The following DMRT1 variants were observed in gnomAD, a reference collection of about 807,000 sequenced individuals.
DMRT1 encodes doublesex- and mab-3-related transcription factor 1.
In DMRT1, 7 loss-of-function variants were observed where a neutral mutation model predicts 32.3. That is an observed-to-expected ratio of 0.22 (90% CI 0.12 to 0.41). The LOEUF is 0.41. Among genes scored for constraint, DMRT1 ranks in the 10% least tolerant of loss-of-function variants. The pLI, the probability that DMRT1 is intolerant of heterozygous loss-of-function variation, is 1.00. For synonymous variants in DMRT1, 278 were observed against 206.1 expected (o/e 1.35, Z -2.99); for missense variants, 625 against 500.5 (o/e 1.25, Z -2.37).
chr9:862,078 C>G (rs1328471700), intron 2 of DMRT1, among the ~76,000 whole-genome samples: 3 of 147,794 alleles, frequency 2.0e-5, no homozygotes, highest in East Asian at 3.9e-4. Flanking sequence ...GGCAGAGACG[C>G]TCCTCACTTC....
At chr9:958,638 G>C (rs1819672673) in intron 4 of DMRT1, among the ~76,000 whole-genome samples, 1 of 152,092 alleles carries the variant, frequency 6.6e-6, no homozygotes, top group Admixed American at 6.6e-5. Context: ...ACTCTCCGGG[G>C]GTTACAGGCG....
Position 912,638 on chromosome 9 carries a change from C to G in DMRT1, c.823-4125C>G, listed in dbSNP as rs551852502. Among the ~76,000 whole-genome samples, 3 of 152,288 alleles carry G rather than the reference C, an allele frequency of 2.0e-5. No homozygotes were observed. In the South Asian group the frequency reaches 6.2e-4, roughly 32 times the overall value. On this transcript the variant is annotated intron_variant, in intron 3 of 4. Coordinates refer to ENST00000382276, the MANE Select transcript of DMRT1 (RefSeq NM_021951.3). ...ATCTTCATCTTTTTGTCAAATAATA[C>G]ATACATTGGGATTGGCAGCGTTAGC...
intron 3 of DMRT1, among the ~76,000 whole-genome samples, chr9:916,338 C>T (rs1191117124): frequency 2.0e-5 from 3 of 151,808 alleles, no homozygotes; most frequent in Non-Finnish European, 4.4e-5. Context: ...TGGCTGAGGC[C>T]ACTTCCAACT....
chr9:896,473 C>T (rs972386062), intron 3 of DMRT1, among the ~76,000 whole-genome samples: 1 of 151,802 alleles, frequency 6.6e-6, no homozygotes, highest in African/African-American at 2.4e-5. Context: ...TCCTCCACCT[C>T]GAGCTCCCGG....
chr9:854,585 G>A (rs890257410), intron 2 of DMRT1, among the ~76,000 whole-genome samples: 1 of 152,114 alleles, frequency 6.6e-6, no homozygotes, highest in African/African-American at 2.4e-5. Flanking sequence ...AAATTGGATT[G>A]AGACTTTATT....
chr9:913,489 G>A (rs1047032110), intron 3 of DMRT1, among the ~76,000 whole-genome samples: 1 of 151,924 alleles, frequency 6.6e-6, no homozygotes, highest in African/African-American at 2.4e-5. Context: ...TTAGTTCTGG[G>A]GAATTTTGTG....
intron 2 of DMRT1, among the ~76,000 whole-genome samples, chr9:868,679 A>G (rs1449073701): frequency 2.0e-5 from 3 of 152,212 alleles, no homozygotes; most frequent in African/African-American, 7.2e-5. Flanking sequence ...TTGTTTATGA[A>G]TTGCAGAGTA....
intron 4 of DMRT1, among the ~76,000 whole-genome samples, chr9:923,424 T>C (rs905797052): frequency 3.3e-5 from 5 of 152,028 alleles, no homozygotes; most frequent in African/African-American, 1.2e-4. Flanking sequence ...AGAGCCTCGA[T>C]TTCCTTACCT....
At chr9:849,185 G>C (rs1839035825) in intron 2 of DMRT1, among the ~76,000 whole-genome samples, 1 of 152,096 alleles carries the variant, frequency 6.6e-6, no homozygotes, top group South Asian at 2.1e-4. Flanking sequence ...GGCTGAGCTA[G>C]GATTTATTCC....
chr9:939,040 G>T (rs1015347186), intron 4 of DMRT1, among the ~76,000 whole-genome samples: 7 of 152,216 alleles, frequency 4.6e-5, no homozygotes, highest in African/African-American at 1.7e-4. Flanking sequence ...AGGTTGGGTT[G>T]CCCCACTCCA....
intron 4 of DMRT1, among the ~76,000 whole-genome samples, chr9:929,890 A>G (rs1564258243): frequency 6.6e-6 from 1 of 152,126 alleles, no homozygotes; most frequent in Admixed American, 6.5e-5. Context: ...GAGATGAACC[A>G]TGAGAGAAGG....
At chr9:870,518 A>T (rs947339372) in intron 2 of DMRT1, among the ~76,000 whole-genome samples, 2 of 152,096 alleles carry the variant, frequency 1.3e-5, no homozygotes, top group Non-Finnish European at 2.9e-5. Flanking sequence ...CACTAAGCTT[A>T]GCTCTTCAGC....
At chr9:951,087 G>A (rs190518966) in intron 4 of DMRT1, among the ~76,000 whole-genome samples, 5 of 152,018 alleles carry the variant, frequency 3.3e-5, no homozygotes, top group African/African-American at 9.7e-5. Flanking sequence ...ATTTGCTAAT[G>A]GAAATAATTA....
At chr9:845,117 A>G (rs11792189) in intron 1 of DMRT1, among the ~76,000 whole-genome samples, 1 of 152,200 alleles carries the variant, frequency 6.6e-6, no homozygotes, top group Non-Finnish European at 1.5e-5. Flanking sequence ...TTTCATAAGC[A>G]CCATACCTTA....
At chr9:906,885 A>T (rs1817796415) in intron 3 of DMRT1, among the ~76,000 whole-genome samples, 1 of 152,210 alleles carries the variant, frequency 6.6e-6, no homozygotes, top group Admixed American at 6.5e-5. Flanking sequence ...TGCTGTCTGT[A>T]CTTAATTCCT....
intron 4 of DMRT1, among the ~76,000 whole-genome samples, chr9:918,439 GA>G (rs1411111613): frequency 6.6e-6 from 1 of 152,226 alleles, no homozygotes; most frequent in African/African-American, 2.4e-5. Context: ...TTAGAGCAGA[GA>G]GGAGCGAATT....
chr9:920,540 C>T (rs1239875244), intron 4 of DMRT1, among the ~76,000 whole-genome samples: 5 of 152,146 alleles, frequency 3.3e-5, no homozygotes, highest in Admixed American at 3.3e-4. Flanking sequence ...AGCCTGCCTG[C>T]GTATTCAGGA....
At chr9:853,658 G>A (rs1815261527) in intron 2 of DMRT1, among the ~76,000 whole-genome samples, 1 of 151,620 alleles carries the variant, frequency 6.6e-6, no homozygotes, top group African/African-American at 2.4e-5. Context: ...TTTTAAATTA[G>A]CCACTCCCAC....
At chr9:865,643 A>G (rs1257773937) in intron 2 of DMRT1, among the ~76,000 whole-genome samples, 1 of 152,186 alleles carries the variant, frequency 6.6e-6, no homozygotes, top group Non-Finnish European at 1.5e-5. Flanking sequence ...CTGAACAGAT[A>G]CAACAAGAAT....
Sources: allele counts gnomAD v4.1 joint callset (sites outside exome capture counted in the v4.1 genomes callset), GRCh38; gene constraint gnomAD v4.1.1; transcripts MANE v1.5; gene names NCBI Gene and HGNC (gene_info 2026-07-23, HGNC 2026-07-21).